PSME4: variants seen among roughly 807,000 people sequenced by gnomAD.
PSME4 encodes proteasome activator complex subunit 4.
In PSME4, 89 loss-of-function variants were observed where a neutral mutation model predicts 253.9. The observed-to-expected ratio is 0.35, with a 90% CI of 0.30 to 0.42. The LOEUF is 0.42. PSME4 is among the 10% of genes least tolerant of loss of function. The pLI, the probability that PSME4 is intolerant of heterozygous loss-of-function variation, is 1.00. For missense variants in PSME4, 2,014 were observed against 2,195.2 expected (o/e 0.92, Z 1.65); for synonymous variants, 851 against 759.2 (o/e 1.12, Z -1.99).
chr2:53,944,325 A>G (rs928520766), intron 3 of PSME4, among the ~76,000 whole-genome samples: 3 of 151,948 alleles, frequency 2.0e-5, no homozygotes, highest in African/African-American at 7.3e-5. Context: ...CACCAGGCTA[A>G]TTTTTGTGTT....
intron 15 of PSME4, 88 bp from the exon 16 acceptor site, chr2:53,923,206 A>C: frequency 1.4e-6 from 2 of 1,468,092 alleles, no homozygotes; most frequent in Non-Finnish European, 1.9e-6. Flanking sequence ...GGCTGTAAAT[A>C]AGCAGCTACT....
intron 3 of PSME4, among the ~76,000 whole-genome samples, chr2:53,940,913 TTTAA>T (rs1218598486): frequency 4.6e-4 from 38 of 82,268 alleles, no homozygotes; most frequent in African/African-American, 2.4e-3. Flanking sequence ...ATAATACATA[TTTAA>T]ATATATATAT....
intron 20 of PSME4, among the ~76,000 whole-genome samples, chr2:53,910,538 G>A (rs755095443): frequency 6.6e-6 from 1 of 152,144 alleles, no homozygotes; most frequent in African/African-American, 2.4e-5. Flanking sequence ...CTTAAAATCA[G>A]TCAAAAACAT....
chr2:53,898,745 CAA>C (rs1680257700), intron 29 of PSME4, among the ~76,000 whole-genome samples: 2 of 151,336 alleles, frequency 1.3e-5, no homozygotes, highest in South Asian at 4.2e-4. Flanking sequence ...TAGAAAACAA[CAA>C]AGAGGTATAT....
At chr2:53,894,068 A>G (rs1470975682) in intron 34 of PSME4, among the ~76,000 whole-genome samples, 1 of 152,120 alleles carries the variant, frequency 6.6e-6, no homozygotes, top group East Asian at 1.9e-4. Context: ...TCTGCTTGGG[A>G]AATGAAGACT....
At chr2:53,923,938 A>T (rs1668447597) in intron 14 of PSME4, among the ~76,000 whole-genome samples, 1 of 145,432 alleles carries the variant, frequency 6.9e-6, no homozygotes, top group Admixed American at 7.0e-5. Flanking sequence ...AAAAAAAAAA[A>T]AAAAAAATTG....
chr2:53,874,981 C>G (rs368886781), intron 42 of PSME4, among the ~76,000 whole-genome samples: 12 of 152,098 alleles, frequency 7.9e-5, no homozygotes, highest in African/African-American at 2.9e-4. Context: ...AGGTAAAAGT[C>G]AATTTCACAA....
intron 7 of PSME4, 45 bp downstream of exon 7, chr2:53,936,042 T>C (rs1418682529): frequency 1.3e-6 from 2 of 1,582,566 alleles, no homozygotes; most frequent in Admixed American, 3.6e-5. Context: ...TACAGGCGCC[T>C]ACCACCCCAT....
intron 32 of PSME4, among the ~76,000 whole-genome samples, chr2:53,896,084 G>C (rs1162234637): frequency 6.6e-6 from 1 of 151,952 alleles, no homozygotes; most frequent in African/African-American, 2.4e-5. Context: ...CTTTTACTGA[G>C]ACACCCAAAT....
chr2:53,922,868 A>C lies in PSME4; in HGVS notation c.1978+181T>G, dbSNP rs142326814. On this transcript the variant is annotated intron_variant, in intron 16 of 46. Transcript: ENST00000404125. ...TGGTGGTTGTATAAGAATATTAATA[A>C]AGTAACATTTTTAAGCTACTGCCAA... Among the ~76,000 whole-genome samples the C allele has an allele frequency of 4.5e-4, 69 of 152,336 alleles. No homozygotes were observed. In the East Asian group the frequency reaches 0.013, roughly 28 times the overall value.
chr2:53,875,459 G>A (rs1345581328), intron 42 of PSME4, among the ~76,000 whole-genome samples, 168 bp downstream of exon 42: 1 of 152,188 alleles, frequency 6.6e-6, no homozygotes, highest in Non-Finnish European at 1.5e-5. Context: ...GGCAGAGCCA[G>A]GCACAGAATC....
chr2:53,887,834 C>T (rs1042804238), intron 39 of PSME4, 24 bp downstream of exon 39: 4 of 1,557,610 alleles, frequency 2.6e-6, no homozygotes, highest in South Asian at 2.3e-5. Flanking sequence ...TCGAGAGGTA[C>T]ACCACAGAGA....
At chr2:53,874,525 A>C in intron 42 of PSME4, 31 bp from the exon 43 acceptor site, 4 of 1,601,210 alleles carry the variant, frequency 2.5e-6, no homozygotes, top group Non-Finnish European at 3.4e-6. Flanking sequence ...TAAACGATAA[A>C]GCAGTACTGA....
intron 43 of PSME4, among the ~76,000 whole-genome samples, chr2:53,873,557 C>G (rs1198518992): frequency 1.3e-5 from 2 of 152,298 alleles, no homozygotes; most frequent in Admixed American, 6.5e-5. Context: ...CCAACATGCT[C>G]TTACATTTGG....
chr2:53,920,551 C>T (rs368654390), intron 18 of PSME4, among the ~76,000 whole-genome samples: 4 of 152,116 alleles, frequency 2.6e-5, no homozygotes, highest in South Asian at 2.1e-4. Flanking sequence ...AAAGTCTCCC[C>T]GAAGAGTACT....
At chr2:53,897,771 A>T (rs1573237492) in intron 31 of PSME4, 99 bp downstream of exon 31, 1 of 1,325,786 alleles carries the variant, frequency 7.5e-7, no homozygotes, top group Non-Finnish European at 1.1e-6. Context: ...ACTTCAAGAT[A>T]TTTATTAACC....
intron 41 of PSME4, among the ~76,000 whole-genome samples, chr2:53,880,709 A>T (rs1291136309): frequency 6.6e-6 from 1 of 152,246 alleles, no homozygotes; most frequent in East Asian, 1.9e-4. Flanking sequence ...ACACTTTCGT[A>T]GGGTAAAGCA....
intron 44 of PSME4, among the ~76,000 whole-genome samples, chr2:53,867,854 T>A (rs1678647378): frequency 6.6e-6 from 1 of 151,620 alleles, no homozygotes; most frequent in South Asian, 2.1e-4. Flanking sequence ...AGTAAACACA[T>A]CATGTATGAA....
intron 41 of PSME4, among the ~76,000 whole-genome samples, chr2:53,880,763 A>G (rs1679345042): frequency 1.3e-5 from 2 of 152,336 alleles, no homozygotes; most frequent in East Asian, 1.9e-4. Context: ...ATACACCAAC[A>G]AAGTCAGGGT....
Sources: allele counts gnomAD v4.1 joint callset (sites outside exome capture counted in the v4.1 genomes callset), GRCh38; gene constraint gnomAD v4.1.1; transcripts MANE v1.5; gene names NCBI Gene and HGNC (gene_info 2026-07-23, HGNC 2026-07-21).